NSMCE1: variants seen among roughly 807,000 people sequenced by gnomAD.
The protein encoded by NSMCE1 is NSE1 component of SMC5/6 complex, also known as non-structural maintenance of chromosomes element 1 homolog.
NSMCE1 carries 18 observed loss-of-function variants against 29.6 expected under a neutral mutation model. The observed-to-expected ratio is 0.61, with a 90% CI of 0.42 to 0.90. The LOEUF (loss-of-function observed/expected upper bound fraction) is 0.90. NSMCE1 is among the 40% of genes least tolerant of loss of function. The probability of loss-of-function intolerance (pLI) is 0.00; values close to 1 mark genes in which losing one functional copy is unlikely to be tolerated. For synonymous variants in NSMCE1, 124 were observed against 133.4 expected, an observed-to-expected ratio of 0.93 and a Z score of 0.49; for missense variants, 314 against 343.6, an observed-to-expected ratio of 0.91 and a Z score of 0.68.
At chr16:27,248,764 T>C (rs1241444053) in intron 2 of NSMCE1, among the ~76,000 whole-genome samples, 1 of 151,790 alleles carries the variant, frequency 6.6e-6, no homozygotes, top group Non-Finnish European at 1.5e-5. Flanking sequence ...TCATCTGCCA[T>C]CTGTACAACC....
At chr16:27,253,782 C>T (rs2084058013) in intron 2 of NSMCE1, among the ~76,000 whole-genome samples, 1 of 152,172 alleles carries the variant, frequency 6.6e-6, no homozygotes, top group South Asian at 2.1e-4. Flanking sequence ...GTTGAATAAA[C>T]GTATGTGTGG....
chr16:27,265,814 C>G (rs748544398), intron 1 of NSMCE1, among the ~76,000 whole-genome samples: 17 of 152,120 alleles, frequency 1.1e-4, no homozygotes, highest in Non-Finnish European at 1.8e-4. Flanking sequence ...TACATAAAAT[C>G]GAAAACTCAG....
chr16:27,235,978 C>T (rs538499258), intron 2 of NSMCE1, among the ~76,000 whole-genome samples: 14 of 152,334 alleles, frequency 9.2e-5, no homozygotes, highest in East Asian at 5.8e-4. Context: ...GAGGCTGAGA[C>T]GCAGAGAGGT....
intron 2 of NSMCE1, among the ~76,000 whole-genome samples, chr16:27,250,393 T>C (rs1445795207): frequency 6.6e-6 from 1 of 152,252 alleles, no homozygotes; most frequent in Non-Finnish European, 1.5e-5. Context: ...AGATCCCCTT[T>C]ATCAGGTTAA....
intron 2 of NSMCE1, among the ~76,000 whole-genome samples, chr16:27,242,177 A>C (rs1204052461): frequency 6.6e-6 from 1 of 152,210 alleles, no homozygotes; most frequent in Non-Finnish European, 1.5e-5. Flanking sequence ...ATGTTGTAAA[A>C]ATACTTCAGT....
At chr16:27,249,769 T>G (rs979055821) in intron 2 of NSMCE1, among the ~76,000 whole-genome samples, 3 of 152,238 alleles carry the variant, frequency 2.0e-5, no homozygotes, top group African/African-American at 4.8e-5. Flanking sequence ...CCATGTGAAT[T>G]TCAGAATCAG....
intron 2 of NSMCE1, 66 bp downstream of exon 2, chr16:27,257,369 C>T (rs1019837390): frequency 2.8e-6 from 4 of 1,427,274 alleles, no homozygotes; most frequent in Non-Finnish European, 2.9e-6. Flanking sequence ...TGGTATTGTA[C>T]CTATGTCACT....
intron 2 of NSMCE1, among the ~76,000 whole-genome samples, chr16:27,245,133 G>GC (rs2083941549): frequency 6.6e-6 from 1 of 152,232 alleles, no homozygotes; most frequent in Admixed American, 6.5e-5. Flanking sequence ...GTGCCCACAA[G>GC]CACTCTGTGC....
intron 1 of NSMCE1, among the ~76,000 whole-genome samples, chr16:27,263,051 TGCTG>T (rs2084178538): frequency 1.3e-5 from 2 of 152,172 alleles, no homozygotes; most frequent in South Asian, 2.1e-4. Flanking sequence ...AAATAACAGA[TGCTG>T]GCAAGGTTGC....
At chr16:27,257,074 C>T (rs907760890) in intron 2 of NSMCE1, among the ~76,000 whole-genome samples, 3 of 152,102 alleles carry the variant, frequency 2.0e-5, no homozygotes, top group African/African-American at 4.8e-5. Context: ...CTGTCTTGTA[C>T]ATATCATGTC....
intron 6 of NSMCE1, 100 bp from the exon 7 acceptor site, chr16:27,225,946 G>A (rs1191146758): frequency 9.2e-6 from 13 of 1,408,998 alleles, no homozygotes; most frequent in South Asian, 8.5e-5. Flanking sequence ...AGGTGGCATC[G>A]TGTTATCTTC....
chr16:27,257,386 TG>T, intron 2 of NSMCE1, 48 bp downstream of exon 2: 1 of 1,534,588 alleles, frequency 6.5e-7, no homozygotes, highest in Non-Finnish European at 8.8e-7. Flanking sequence ...CACTGGTCCC[TG>T]ATCAACACAG....
At chr16:27,238,924 C>T (rs955040660) in intron 2 of NSMCE1, among the ~76,000 whole-genome samples, 1 of 151,034 alleles carries the variant, frequency 6.6e-6, no homozygotes, top group Non-Finnish European at 1.5e-5. Flanking sequence ...GGCTGGAGTG[C>T]AGTGGCACAG....
intron 1 of NSMCE1, among the ~76,000 whole-genome samples, chr16:27,262,999 C>G (rs2084177515): frequency 6.6e-6 from 1 of 152,110 alleles, no homozygotes; most frequent in African/African-American, 2.4e-5. Flanking sequence ...CAATGAGATA[C>G]CATCTCACAT....
intron 2 of NSMCE1, among the ~76,000 whole-genome samples, chr16:27,244,004 C>G (rs1184805188): frequency 1.3e-5 from 2 of 152,228 alleles, no homozygotes; most frequent in Non-Finnish European, 1.5e-5. Context: ...GAGAAAGCCA[C>G]ATATGTACTT....
At chr16:27,256,302 G>A (rs1172279944) in intron 2 of NSMCE1, among the ~76,000 whole-genome samples, 1 of 152,150 alleles carries the variant, frequency 6.6e-6, no homozygotes, top group Non-Finnish European at 1.5e-5. Flanking sequence ...CATGTTGTTA[G>A]GCTAATAATG....
intron 2 of NSMCE1, among the ~76,000 whole-genome samples, chr16:27,251,198 A>G (rs1291652907): frequency 1.3e-5 from 1 of 79,812 alleles, no homozygotes; most frequent in African/African-American, 7.1e-5. Context: ...ATAAATATAT[A>G]TATATATATA....
chr16:27,226,651 A>T lies in NSMCE1; in HGVS notation c.600+69T>A, dbSNP rs2083696773. 1.1e-5 allele frequency: 11 copies of T among 979,090 alleles called. No homozygotes were observed. In the Admixed American group the frequency reaches 2.1e-4, roughly 19 times the overall value. The allele number at this position is 979,090 out of a possible 1,614,324, so 60.7% of individuals were successfully genotyped here. A position where few individuals can be genotyped will look rare whatever the true frequency, so the allele number is the denominator to read the frequency against. ...CTGGGCCCAGAGCCAGGATTCCGGG[A>T]AGTACCTGTACAGAGCCCCGGGAGC... On this transcript the variant is annotated intron_variant, in intron 6 of 7. Coordinates refer to ENST00000361439, the MANE Select transcript of NSMCE1 (RefSeq NM_145080.4).
intron 1 of NSMCE1, among the ~76,000 whole-genome samples, chr16:27,260,290 T>G (rs2084140705): frequency 6.6e-6 from 1 of 152,210 alleles, no homozygotes. Flanking sequence ...AGCCTTGTGA[T>G]GGTCAGGAGT....
Sources: gnomAD v4.1 joint callset for allele counts (sites outside exome capture counted in the v4.1 genomes callset) on GRCh38, gnomAD v4.1.1 for gene constraint, MANE v1.5 for transcripts, NCBI Gene and HGNC (gene_info 2026-07-23, HGNC 2026-07-21) for gene names.